MAPK4: variants seen among roughly 807,000 people sequenced by gnomAD.
MAPK4 encodes the protein mitogen-activated protein kinase 4.
Under a neutral mutation model 47.7 loss-of-function variants are expected in MAPK4, and 22 were observed. The ratio of observed to expected loss-of-function variants is 0.46; its 90% confidence interval spans 0.33 to 0.66. The LOEUF is 0.66. Ranked by LOEUF, MAPK4 falls within the 30% of genes least tolerant of loss-of-function variation. The pLI, the probability that MAPK4 is intolerant of heterozygous loss-of-function variation, is 0.02. For missense variants in MAPK4, 736 were observed against 831.7 expected (o/e 0.88, Z 1.42); for synonymous variants, 390 against 365.7 (o/e 1.07, Z -0.76).
rs1027447541 is a variant in MAPK4 at position 50,584,315 on chromosome 18, A to G, written c.-871+24072A>G. ...GGGGTTATGGTGGAGGAATCAAATCAGAGAGTGCAAATCCTAATTTCCCAT... is the reference window on the plus strand; with the variant it reads ...GGGGTTATGGTGGAGGAATCAAATCGGAGAGTGCAAATCCTAATTTCCCAT... On this transcript the variant is annotated intron_variant, in intron 1 of 5. Coordinates refer to ENST00000400384, the MANE Select transcript of MAPK4 (RefSeq NM_002747.4). Among the ~76,000 whole-genome samples, 6 of 152,318 alleles carry G rather than the reference A, an allele frequency of 3.9e-5. No homozygotes were observed. In the East Asian group the frequency reaches 1.2e-3, roughly 29 times the overall value.
At chr18:50,710,791 A>ATAAC (rs1489070315) in intron 2 of MAPK4, among the ~76,000 whole-genome samples, 62 of 79,060 alleles carry the variant, frequency 7.8e-4, no homozygotes, top group African/African-American at 1.8e-3. Flanking sequence ...AAATAAATAA[A>ATAAC]TAAATAAATA....
intron 1 of MAPK4, among the ~76,000 whole-genome samples, chr18:50,604,372 C>A (rs1165349476): frequency 6.6e-6 from 1 of 152,138 alleles, no homozygotes; most frequent in Non-Finnish European, 1.5e-5. Flanking sequence ...TTTGTTAAAG[C>A]AATTTATATA....
At chr18:50,694,245 G>A (rs72921875) in intron 2 of MAPK4, among the ~76,000 whole-genome samples, 8,809 of 152,194 alleles carry the variant, frequency 0.058, 354 homozygotes, top group Non-Finnish European at 0.082. Flanking sequence ...GATTTTCTGA[G>A]GACAGCCCTA....
chr18:50,587,809 A>G (rs557889438), intron 1 of MAPK4, among the ~76,000 whole-genome samples: 87 of 152,166 alleles, frequency 5.7e-4, no homozygotes, highest in African/African-American at 2.0e-3. Context: ...GCTCATTGCA[A>G]CTTCTGCCTC....
chr18:50,636,625 C>A (rs748460008), intron 1 of MAPK4, among the ~76,000 whole-genome samples: 3 of 152,200 alleles, frequency 2.0e-5, no homozygotes, highest in Admixed American at 6.6e-5. Flanking sequence ...CTATTTTCAG[C>A]AACCTCCTGA....
intron 1 of MAPK4, among the ~76,000 whole-genome samples, chr18:50,594,396 TATAAAG>T (rs775876649): frequency 1.3e-5 from 2 of 152,024 alleles, no homozygotes; most frequent in Non-Finnish European, 2.9e-5. Context: ...ATAAAGATAG[TATAAAG>T]ATAGACAAAT....
intron 2 of MAPK4, among the ~76,000 whole-genome samples, chr18:50,711,651 C>T (rs1482830259): frequency 6.6e-6 from 1 of 152,196 alleles, no homozygotes. Context: ...CCTGGGGAGA[C>T]CAGGTCTGAT....
intron 1 of MAPK4, among the ~76,000 whole-genome samples, chr18:50,647,906 C>T (rs2043005710): frequency 6.6e-6 from 1 of 152,162 alleles, no homozygotes; most frequent in South Asian, 2.1e-4. Flanking sequence ...TTCCCCCAAG[C>T]ACCTCTTCCA....
At chr18:50,599,549 C>CT (rs980272287) in intron 1 of MAPK4, among the ~76,000 whole-genome samples, 36 of 152,228 alleles carry the variant, frequency 2.4e-4, no homozygotes, top group African/African-American at 8.2e-4. Flanking sequence ...CTCCTAATAG[C>CT]TGGGAGTAAA....
chr18:50,652,433 C>A (rs546812555), intron 1 of MAPK4, among the ~76,000 whole-genome samples: 8 of 152,220 alleles, frequency 5.3e-5, no homozygotes, highest in Admixed American at 4.6e-4. Context: ...GGGTAAGAGG[C>A]AGGCTGGGCT....
At chr18:50,690,939 A>G (rs1003861181) in intron 2 of MAPK4, among the ~76,000 whole-genome samples, 8 of 151,966 alleles carry the variant, frequency 5.3e-5, no homozygotes, top group Non-Finnish European at 1.0e-4. Context: ...GTGTGAAGGA[A>G]CAAAAGTCTG....
chr18:50,599,390 A>G (rs2042514408), intron 1 of MAPK4, among the ~76,000 whole-genome samples: 1 of 152,158 alleles, frequency 6.6e-6, no homozygotes, highest in Non-Finnish European at 1.5e-5. Context: ...CATGAAATCT[A>G]TGTCTATGAA....
rs1441472742 is a variant in MAPK4, at chr18:50,729,734, G to C, written c.1644G>C (p.Lys548Asn). 1 of 1,598,774 alleles carries C rather than the reference G, an allele frequency of 6.3e-7. No individual in the cohort carries two copies. Among genetic ancestry groups the C allele is most frequent in the Non-Finnish European group, 8.5e-7 (1 of 1,174,166 alleles). ...ACGTGTTCATCTCCCGCGCCCTGAAGCTCTGCACCAAGCCCGAGGACCTGC... is the reference window on the plus strand; with the variant it reads ...ACGTGTTCATCTCCCGCGCCCTGAACCTCTGCACCAAGCCCGAGGACCTGC... ...DLDVFISRAL[K>N]LCTKPEDLPD... Residue 548 changes from lysine to asparagine, a missense_variant, in exon 6 of 6, where the codon AAG becomes AAC. Physicochemically the swap from Lys to Asn is moderately conservative, Grantham distance 94. Around this residue, in one of 3 missense-constraint regions of MAPK4, gnomAD observed 377 missense variants for 378.6 expected, o/e 1.00. Transcript: ENST00000400384.
At chr18:50,720,554 C>T (rs993015393) in intron 3 of MAPK4, among the ~76,000 whole-genome samples, 9 of 152,048 alleles carry the variant, frequency 5.9e-5, no homozygotes, top group African/African-American at 1.9e-4. Flanking sequence ...GTGAAAGAGG[C>T]TCATTCTCTG....
chr18:50,614,176 A>G (rs2042663900), intron 1 of MAPK4, among the ~76,000 whole-genome samples: 1 of 152,146 alleles, frequency 6.6e-6, no homozygotes, highest in South Asian at 2.1e-4. Context: ...TATATACTAT[A>G]GCAAATTTTC....
At chr18:50,650,452 A>G (rs1280265328) in intron 1 of MAPK4, among the ~76,000 whole-genome samples, 1 of 151,898 alleles carries the variant, frequency 6.6e-6, no homozygotes, top group Non-Finnish European at 1.5e-5. Context: ...TTTCCCACCG[A>G]TGCATGTGGG....
At chr18:50,659,796 G>A (rs2043150524) in intron 1 of MAPK4, among the ~76,000 whole-genome samples, 1 of 152,198 alleles carries the variant, frequency 6.6e-6, no homozygotes, top group African/African-American at 2.4e-5. Flanking sequence ...ATTCAAGCAC[G>A]ATTGAACGAG....
intron 2 of MAPK4, chr18:50,705,987 T>C (rs1278661726): frequency 2.0e-5 from 3 of 152,204 alleles, no homozygotes; most frequent in African/African-American, 4.8e-5. Flanking sequence ...GCTCTGCCAA[T>C]TATTAGTTAA....
intron 1 of MAPK4, among the ~76,000 whole-genome samples, chr18:50,592,743 A>G (rs2042448564): frequency 6.6e-6 from 1 of 152,224 alleles, no homozygotes; most frequent in Non-Finnish European, 1.5e-5. Context: ...ACTTTTAAAG[A>G]AGTTGACTTA....
Sources: allele counts gnomAD v4.1 joint callset (sites outside exome capture counted in the v4.1 genomes callset), GRCh38; gene constraint gnomAD v4.1.1; regional missense constraint gnomAD v4.1.1; transcripts MANE v1.5; gene names NCBI Gene and HGNC (gene_info 2026-07-23, HGNC 2026-07-21).